Variants in RNF43 observed in about 807,000 individuals in gnomAD.
RNF43 encodes ring finger protein 43, also known as E3 ubiquitin-protein ligase RNF43.
Under a neutral mutation model 78.4 loss-of-function variants are expected in RNF43, and 37 were observed. The observed-to-expected ratio is 0.47, with a 90% confidence interval of 0.36 to 0.62. RNF43 has a LOEUF of 0.62. RNF43 is among the 20% of genes least tolerant of loss of function. The probability of loss-of-function intolerance (pLI) is 0.00; values close to 1 mark genes in which losing one functional copy is unlikely to be tolerated. For synonymous variants in RNF43, 347 were observed against 395.0 expected (o/e 0.88, Z 1.44); for missense variants, 774 against 1,007.9 (o/e 0.77, Z 3.14).
intron 9 of RNF43, among the ~76,000 whole-genome samples, chr17:58,356,165 G>C (rs1972681801): frequency 6.6e-6 from 1 of 152,174 alleles, no homozygotes; most frequent in South Asian, 2.1e-4. Flanking sequence ...TGATTGGCAA[G>C]TTCCATGTCT....
At chr17:58,403,344 C>T (rs957434824) in intron 2 of RNF43, among the ~76,000 whole-genome samples, 4 of 152,144 alleles carry the variant, frequency 2.6e-5, no homozygotes, top group African/African-American at 9.7e-5. Context: ...CTTTGATGTC[C>T]AACAACTAAG....
Position 58,358,345 on chromosome 17 carries a change from G to A in RNF43, c.1431C>T (p.Asp477=), listed in dbSNP as rs2143412402. 1 of 1,614,202 alleles carries A rather than the reference G, an allele frequency of 6.2e-7. No individual in the cohort carries two copies. The highest frequency in any genetic ancestry group is 1.7e-5 in the Admixed American group (1 of 60,032). The part of the protein sequence containing the change: ...SSGPCHGSSS[D]SVVNCTDISL... ...TGATGTCCGTGCAGTTGACCACAGA[G>A]TCACTGGAAGAGCCATGACAGGGCC... Residue 477 remains aspartate, a synonymous_variant, in exon 9 of 10, where the codon GAC becomes GAT. Transcript: ENST00000407977. The surrounding 1 kb of genome is among the most constrained non-coding windows in gnomAD (Gnocchi z 6.2).
intron 2 of RNF43, among the ~76,000 whole-genome samples, chr17:58,398,363 T>C (rs552563239): frequency 6.6e-6 from 1 of 152,226 alleles, no homozygotes; most frequent in Non-Finnish European, 1.5e-5. Context: ...ACAATCTCCC[T>C]GGGAAGTTCT....
intron 2 of RNF43, among the ~76,000 whole-genome samples, chr17:58,377,088 G>A (rs929005733): frequency 1.6e-4 from 24 of 152,154 alleles, no homozygotes; most frequent in Admixed American, 6.5e-4. Flanking sequence ...TCCCAAGACA[G>A]ACCTAGAGTT....
In RNF43 at chr17:58,415,696, A is replaced by T; in HGVS notation, c.-119T>A. 3.2e-6 allele frequency: 4 copies of T among 1,245,960 alleles called. No individual in the cohort carries two copies. The highest frequency in any genetic ancestry group is 4.4e-6 in the Non-Finnish European group (4 of 912,296). The allele number at this position is 1,245,960 out of a possible 1,614,324, so 77.2% of individuals were successfully genotyped here. Reference sequence around the variant, plus strand: ...AGAACATTTATGCTTCCGTTTCAGAAAGCCAAGTCGTAGTTTTGGCCCTTC... The same window carrying T: ...AGAACATTTATGCTTCCGTTTCAGATAGCCAAGTCGTAGTTTTGGCCCTTC... On this transcript the variant is annotated 5_prime_UTR_variant, in exon 2 of 10. Transcript: ENST00000407977.
In RNF43 at chr17:58,358,629, T is replaced by C; in HGVS notation, c.1147A>G (p.Met383Val). ...GPFLPSQEPG[M>V]GPRHHRFPRA... ...GGGAAGCGGTGATGCCGAGGGCCCA[T>C]GCCTGGCTCCTGGGATGGCAGGAAG... Residue 383 changes from methionine to valine, a missense_variant, in exon 9 of 10, where the codon ATG (methionine) becomes GTG (valine). Transcript: ENST00000407977. This position sits in a 1 kb window ranked among gnomAD's most constrained non-coding sequence, Gnocchi z 6.2. 6 of 1,545,768 alleles carry C rather than the reference T, an allele frequency of 3.9e-6. No individual in the cohort carries two copies. Among genetic ancestry groups the C allele is most frequent in the Non-Finnish European group, 4.4e-6 (5 of 1,143,924 alleles).
At chr17:58,362,684 C>A (rs2143461457) in intron 5 of RNF43, 36 bp from the exon 6 acceptor site, 3 of 1,519,856 alleles carry the variant, frequency 2.0e-6, no homozygotes, top group Non-Finnish European at 2.7e-6. Flanking sequence ...GGTCATACTT[C>A]CGGGATGAGC....
chr17:58,353,365 GCA>G (rs1356753623), downstream of RNF43: 1 of 204,146 alleles, frequency 4.9e-6, no homozygotes, highest in Non-Finnish European at 1.0e-5. Context: ...AAAAAGCGAG[GCA>G]CAGAGTATTT....
intron 2 of RNF43, among the ~76,000 whole-genome samples, chr17:58,374,236 T>G (rs972955187): frequency 6.6e-6 from 1 of 152,178 alleles, no homozygotes; most frequent in Non-Finnish European, 1.5e-5. Flanking sequence ...AAAAAATATT[T>G]AAGAACAATT....
chr17:58,399,998 T>C (rs1364292313), intron 2 of RNF43, among the ~76,000 whole-genome samples: 1 of 152,166 alleles, frequency 6.6e-6, no homozygotes, highest in Admixed American at 6.5e-5. Flanking sequence ...GGAAGAGTGA[T>C]ATATAATGTG....
chr17:58,358,935 C>T lies in RNF43; in HGVS notation c.953-112G>A. On this transcript the variant is annotated intron_variant, in intron 8 of 9. Coordinates refer to ENST00000407977, the MANE Select transcript of RNF43 (RefSeq NM_017763.6). This position sits in a 1 kb window ranked among gnomAD's most constrained non-coding sequence, Gnocchi z 6.2. ...TTTGACCCTGAGTAGCCTGTGAGCTCAGAGTTTGGGGGATCAAGGACGTGC... is the reference window on the plus strand; with the variant it reads ...TTTGACCCTGAGTAGCCTGTGAGCTTAGAGTTTGGGGGATCAAGGACGTGC... 1 of 1,187,382 alleles carries T rather than the reference C, an allele frequency of 8.4e-7. No individual in the cohort carries two copies. The highest frequency in any genetic ancestry group is 1.1e-6 in the Non-Finnish European group (1 of 887,732). 73.6% of individuals were successfully genotyped at this position (1,187,382 alleles called of 1,614,324 possible).
rs534151092 is a variant in RNF43 at position 58,372,002 on chromosome 17, C to T, written c.253-969G>A. On this transcript the variant is annotated intron_variant, in intron 2 of 9. Coordinates refer to ENST00000407977, the MANE Select transcript of RNF43 (RefSeq NM_017763.6). Reference sequence around the variant, plus strand: ...TATGACTTATTTGGCCCTGAATAATCCTATGGTCCAGGGACTCCTATATAG... The same window carrying T: ...TATGACTTATTTGGCCCTGAATAATTCTATGGTCCAGGGACTCCTATATAG... Among the ~76,000 whole-genome samples, 3 of 152,288 alleles carry T rather than the reference C, an allele frequency of 2.0e-5. No homozygotes were observed. In the South Asian group the frequency reaches 6.2e-4, roughly 32 times the overall value.
intron 3 of RNF43, among the ~76,000 whole-genome samples, chr17:58,364,441 AAG>A (rs1972906465): frequency 1.3e-5 from 2 of 152,212 alleles, no homozygotes; most frequent in Admixed American, 6.5e-5. Flanking sequence ...CAGTGCCAGA[AAG>A]AGAACAAAAA....
At position 58,360,832 on chromosome 17, in the gene RNF43, C is replaced by G. The variant is rs2143445711; in HGVS notation, c.800G>C (p.Ser267Thr). The G allele has an allele frequency of 6.2e-7, 1 of 1,613,264 alleles. No homozygotes were observed. Among genetic ancestry groups the G allele is most frequent in the South Asian group, 1.1e-5 (1 of 90,890 alleles). The change falls in exon 7 of 10, where the codon AGC becomes ACC. Residue 267 changes from serine (S) to threonine (T), a missense_variant. Physicochemically the swap from Ser to Thr is moderately conservative, Grantham distance 58. Coordinates refer to ENST00000407977, the MANE Select transcript of RNF43 (RefSeq NM_017763.6). The surrounding 1 kb of genome is among the most constrained non-coding windows in gnomAD (Gnocchi z 4.3). Reference protein sequence around the residue: ...GEWPDSGSSCSSAPVCAICLE... With the variant: ...GEWPDSGSSCTSAPVCAICLE... Reference sequence around the variant, plus strand: ...ACAGATGGCACACACAGGGGCTGAGCTGCAGCTGCTCCCTGAGTCTGGCCA... The same window carrying G: ...ACAGATGGCACACACAGGGGCTGAGGTGCAGCTGCTCCCTGAGTCTGGCCA...
chr17:58,400,272 C>A (rs536953832), intron 2 of RNF43, among the ~76,000 whole-genome samples: 4 of 152,184 alleles, frequency 2.6e-5, no homozygotes, highest in Admixed American at 6.5e-5. Context: ...TTAATCAGCA[C>A]CCTTAACCCA....
chr17:58,385,806 G>A (rs574268460), intron 2 of RNF43, among the ~76,000 whole-genome samples: 32 of 152,176 alleles, frequency 2.1e-4, no homozygotes, highest in African/African-American at 7.7e-4. Context: ...ATCTCTCTAA[G>A]TCTCGTTTTA....
chr17:58,389,371 G>A (rs1376360491), intron 2 of RNF43, among the ~76,000 whole-genome samples: 1 of 152,170 alleles, frequency 6.6e-6, no homozygotes, highest in Non-Finnish European at 1.5e-5. Flanking sequence ...CTAGAGTAGG[G>A]AAAATTTAAG....
rs1385299432 is a variant in RNF43 at position 58,353,851 on chromosome 17, A to T, written c.*1092T>A. 1.0e-5 allele frequency: 2 copies of T among 192,154 alleles called. No individual in the cohort carries two copies. The highest frequency in any genetic ancestry group is 2.2e-5 in the Non-Finnish European group (2 of 91,614). The allele number at this position is 192,154 out of a possible 1,614,324, so 11.9% of individuals were successfully genotyped here. A position where few individuals can be genotyped will look rare whatever the true frequency, so the allele number is the denominator to read the frequency against. On this transcript the variant is annotated 3_prime_UTR_variant, in exon 10 of 10. Coordinates refer to ENST00000407977, the MANE Select transcript of RNF43 (RefSeq NM_017763.6). ...CTGCCCACTTTGCCACCACATTCAC[A>T]TTCCAAATGGGATAATGCCTGAGGG...
chr17:58,400,615 C>T (rs1012326818), intron 2 of RNF43, among the ~76,000 whole-genome samples: 6 of 152,074 alleles, frequency 3.9e-5, no homozygotes, highest in Admixed American at 1.3e-4. Context: ...TTTTTCTTTA[C>T]GTCATAAAGC....
Sources: gnomAD v4.1 joint callset for allele counts (sites outside exome capture counted in the v4.1 genomes callset) on GRCh38, gnomAD v4.1.1 for gene constraint, Gnocchi (gnomAD v3.1) non-coding constraint, MANE v1.5 for transcripts, NCBI Gene and HGNC (gene_info 2026-07-23, HGNC 2026-07-21) for gene names.